The following SKIL variants were observed in gnomAD, a reference collection of about 807,000 sequenced individuals.
SKIL encodes the protein ski-like protein.
A neutral mutation model predicts 69.6 loss-of-function variants in SKIL; 20 were observed. That is an observed-to-expected ratio of 0.29 (90% CI 0.20 to 0.42). The LOEUF is 0.42. Among genes scored for constraint, SKIL ranks in the 10% least tolerant of loss-of-function variants. SKIL has a pLI of 1.00. For synonymous variants in SKIL, 310 were observed against 279.9 expected, an observed-to-expected ratio of 1.11 and a Z score of -1.08; for missense variants, 745 against 783.1, an observed-to-expected ratio of 0.95 and a Z score of 0.58.
chr3:170,359,029 GT>G (rs1296799766), intron 1 of SKIL, among the ~76,000 whole-genome samples: 1 of 152,142 alleles, frequency 6.6e-6, no homozygotes, highest in African/African-American at 2.4e-5. Flanking sequence ...TGAAACTGTT[GT>G]TTTGTTTTTA....
chr3:170,372,213 A>G (rs1319112822), intron 2 of SKIL, among the ~76,000 whole-genome samples: 1 of 152,218 alleles, frequency 6.6e-6, no homozygotes, highest in Non-Finnish European at 1.5e-5. Flanking sequence ...TATATTACCA[A>G]CTTTACATGG....
In SKIL at chr3:170,384,712, A is replaced by C. The variant is rs1737530780; in HGVS notation, c.1376A>C (p.Glu459Ala). The change falls in exon 4 of 7, where the codon GAG becomes GCG. Residue 459 changes from glutamate (E) to alanine (A), a missense_variant. Glu to Ala is a moderately radical substitution (Grantham distance 107, BLOSUM62 -1). Coordinates refer to ENST00000259119, the MANE Select transcript of SKIL (RefSeq NM_005414.5). ...GTGTCTTATCCAGATGTCTCACTTG[A>C]GGAACAGGAGAAAATGGATTTAAAA... is the stretch of plus-strand genomic sequence containing the variant. Reference protein sequence around the residue: ...KTVSYPDVSLEEQEKMDLKTS... With the variant: ...KTVSYPDVSLAEQEKMDLKTS... 1.9e-6 allele frequency: 3 copies of C among 1,611,524 alleles called. No homozygotes were observed. In the East Asian group the frequency reaches 6.7e-5, roughly 36 times the overall value.
intron 2 of SKIL, among the ~76,000 whole-genome samples, chr3:170,364,431 C>G (rs1249380377): frequency 6.8e-6 from 1 of 147,634 alleles, no homozygotes; most frequent in Non-Finnish European, 1.5e-5. Flanking sequence ...TCAAGTGATT[C>G]TCCTGTCTCA....
chr3:170,379,352 C>G (rs1322100493), intron 2 of SKIL, among the ~76,000 whole-genome samples: 6 of 152,086 alleles, frequency 3.9e-5, no homozygotes, highest in African/African-American at 1.4e-4. Context: ...TTAACTCGTT[C>G]CTAATCGCAT....
At chr3:170,361,889 C>A (rs370835795) in intron 2 of SKIL, among the ~76,000 whole-genome samples, 14 of 152,204 alleles carry the variant, frequency 9.2e-5, no homozygotes, top group African/African-American at 3.4e-4. Context: ...CCAGCCAGGG[C>A]TTCTTTTTCT....
At chr3:170,358,498 C>G (rs1736054177) in intron 1 of SKIL, 1 of 152,758 alleles carries the variant, frequency 6.5e-6, no homozygotes, top group Non-Finnish European at 1.5e-5. Flanking sequence ...GGGCGGAGGA[C>G]TTCAGGGTTT....
intron 4 of SKIL, among the ~76,000 whole-genome samples, chr3:170,387,933 C>CAAAAA (rs541166783): frequency 3.3e-4 from 17 of 51,054 alleles, no homozygotes; most frequent in African/African-American, 8.0e-4. Flanking sequence ...GACTCCGTCT[C>CAAAAA]AAAAAAAAAA....
rs111263368 is a variant in SKIL, at chr3:170,394,977, C to G, written c.*2560C>G. On this transcript the variant is annotated 3_prime_UTR_variant, in exon 7 of 7. Coordinates refer to ENST00000259119, the MANE Select transcript of SKIL (RefSeq NM_005414.5). Reference sequence around the variant, plus strand: ...CTCTTTGTGTGCCAAATTCACTAGGCAAGCGGATTTTTCCTCAGACTTCAA... The same window carrying G: ...CTCTTTGTGTGCCAAATTCACTAGGGAAGCGGATTTTTCCTCAGACTTCAA... The G allele has an allele frequency of 3.7e-4, 57 of 152,202 alleles. 1 individual carries two copies. The highest frequency in any genetic ancestry group is 1.3e-3 in the African/African-American group (56 of 41,532). The allele number at this position is 152,202 out of a possible 1,614,324, so 9.4% of individuals were successfully genotyped here.
chr3:170,392,573 TAC>T lies in SKIL; in HGVS notation c.*157_*158del, dbSNP rs1737979760. On this transcript the variant is annotated 3_prime_UTR_variant, in exon 7 of 7. Coordinates refer to ENST00000259119, the MANE Select transcript of SKIL (RefSeq NM_005414.5). ...AGAAAGTGAAGAGATTATATATTAG[TAC>T]TTAAATTTTTACATTTTCCAAATGA... 2.3e-6 allele frequency: 1 copy of T among 434,014 alleles called. No homozygotes were observed. The highest frequency in any genetic ancestry group is 3.6e-5 in the East Asian group (1 of 28,168). 26.9% of individuals were successfully genotyped at this position (434,014 alleles called of 1,614,324 possible). A position where few individuals can be genotyped will look rare whatever the true frequency, so the allele number is the denominator to read the frequency against.
At chr3:170,358,105 T>A (rs934111402) in intron 1 of SKIL, among the ~76,000 whole-genome samples, 1 of 151,992 alleles carries the variant, frequency 6.6e-6, no homozygotes, top group East Asian at 2.0e-4. Flanking sequence ...CCAGCAGCGC[T>A]CCGCGGGGAT....
chr3:170,367,475 TTTTA>T (rs1338643835), intron 2 of SKIL, among the ~76,000 whole-genome samples: 11 of 66,570 alleles, frequency 1.7e-4, no homozygotes, highest in Non-Finnish European at 2.0e-4. Context: ...TTTTTTTTTT[TTTTA>T]AATTGAGATG....
intron 2 of SKIL, among the ~76,000 whole-genome samples, chr3:170,367,108 T>C (rs1396236798): frequency 6.6e-6 from 1 of 152,192 alleles, no homozygotes; most frequent in Non-Finnish European, 1.5e-5. Flanking sequence ...TTTTTTTGTT[T>C]GTTTGTTTGT....
Position 170,357,739 on chromosome 3 carries a change from GCGA to G in SKIL, c.-655_-653del, listed in dbSNP as rs1410705207. The G allele has an allele frequency of 1.0e-4, 17 of 165,138 alleles. No individual in the cohort carries two copies. The highest frequency in any genetic ancestry group is 8.8e-5 in the Non-Finnish European group (7 of 79,300). The allele number at this position is 165,138 out of a possible 1,614,324, so 10.2% of individuals were successfully genotyped here. On this transcript the variant is annotated 5_prime_UTR_variant, in exon 1 of 7. Coordinates refer to ENST00000259119, the MANE Select transcript of SKIL (RefSeq NM_005414.5). ...CACAGCCGAAGGGAGCGGGCGAGCGGCGACGGCGGCGGCGGCGGGCACAGGTGC... is the reference window on the plus strand; with the variant it reads ...CACAGCCGAAGGGAGCGGGCGAGCGGCGGCGGCGGCGGCGGGCACAGGTGC...
At chr3:170,387,513 G>A (rs1037775140) in intron 4 of SKIL, among the ~76,000 whole-genome samples, 1 of 146,676 alleles carries the variant, frequency 6.8e-6, no homozygotes, top group African/African-American at 2.4e-5. Flanking sequence ...GTTGTTGCAT[G>A]TACCAGTACT....
In SKIL at chr3:170,357,715, A is replaced by C. The variant is rs1735997591; in HGVS notation, c.-682A>C. On this transcript the variant is annotated 5_prime_UTR_variant, in exon 1 of 7. Transcript: ENST00000259119. ...GTGTGGGGTTCGGAGCCGCGCCGGC[A>C]CAGCCGAAGGGAGCGGGCGAGCGGC... 1 of 154,966 alleles carries C rather than the reference A, an allele frequency of 6.5e-6. No individual in the cohort carries two copies. 9.6% of individuals were successfully genotyped at this position (154,966 alleles called of 1,614,324 possible). A position where few individuals can be genotyped will look rare whatever the true frequency, so the allele number is the denominator to read the frequency against.
At position 170,392,744 on chromosome 3, in the gene SKIL, G is replaced by C. The variant is rs1050081623; in HGVS notation, c.*327G>C. 3.8e-5 allele frequency: 6 copies of C among 158,700 alleles called. No individual in the cohort carries two copies. Among genetic ancestry groups the C allele is most frequent in the African/African-American group, 1.4e-4 (6 of 41,662 alleles). 9.8% of individuals were successfully genotyped at this position (158,700 alleles called of 1,614,324 possible). A position where few individuals can be genotyped will look rare whatever the true frequency, so the allele number is the denominator to read the frequency against. Reference sequence around the variant, plus strand: ...TTTTTAAAAGCTGCAATATGTGTTGGAAAATAGCTGTGGTCAATTTTGTTA... The same window carrying C: ...TTTTTAAAAGCTGCAATATGTGTTGCAAAATAGCTGTGGTCAATTTTGTTA... On this transcript the variant is annotated 3_prime_UTR_variant, in exon 7 of 7. Coordinates refer to ENST00000259119, the MANE Select transcript of SKIL (RefSeq NM_005414.5).
Position 170,382,749 on chromosome 3 carries a change from C to T in SKIL, c.1196+1408C>T, listed in dbSNP as rs181378242. On this transcript the variant is annotated intron_variant, in intron 3 of 6. Coordinates refer to ENST00000259119, the MANE Select transcript of SKIL (RefSeq NM_005414.5). ...TTTTTTTTTTTTTGAGATGGAGTCT[C>T]GCTCTGTTGCCCAGGCTGGAGTGCA... Among the ~76,000 whole-genome samples, 395 of 137,908 alleles carry T rather than the reference C, an allele frequency of 2.9e-3. 2 individuals carry two copies. The highest frequency in any genetic ancestry group is 0.01 in the African/African-American group (383 of 37,078). The allele number at this position is 137,908 out of a possible 152,430, so 90.5% of individuals were successfully genotyped here.
At chr3:170,385,292 A>G (rs1322580347) in intron 4 of SKIL, among the ~76,000 whole-genome samples, 1 of 145,154 alleles carries the variant, frequency 6.9e-6, no homozygotes, top group East Asian at 2.0e-4. Context: ...TGGTCTTGGT[A>G]TGTTGCTCAA....
intron 2 of SKIL, among the ~76,000 whole-genome samples, chr3:170,361,742 CTTTT>C (rs11321256): frequency 4.4e-5 from 6 of 136,072 alleles, no homozygotes; most frequent in Admixed American, 7.5e-5. Context: ...GTTAGGGCTT[CTTTT>C]TTTTTTTTTT....
Sources: gnomAD v4.1 joint callset for allele counts (sites outside exome capture counted in the v4.1 genomes callset) on GRCh38, gnomAD v4.1.1 for gene constraint, MANE v1.5 for transcripts, NCBI Gene and HGNC (gene_info 2026-07-23, HGNC 2026-07-21) for gene names.